TCF4: variants seen among roughly 807,000 people sequenced by gnomAD.
The protein encoded by TCF4 is transcription factor 4, also known as SL3-3 enhancer factor 2.
Under a neutral mutation model 82.1 loss-of-function variants are expected in TCF4, and 3 were observed. The observed-to-expected ratio is 0.04, with a 90% CI of 0.02 to 0.09. The LOEUF is 0.09. Ranked by LOEUF, TCF4 falls within the 10% of genes least tolerant of loss-of-function variation. TCF4 has a pLI of 1.00. For synonymous variants in TCF4, 276 were observed against 309.6 expected (o/e 0.89, Z 1.14); for missense variants, 518 against 852.7 (o/e 0.61, Z 4.89).
At chr18:55,541,202 C>T (rs1471371128) in intron 3 of TCF4, among the ~76,000 whole-genome samples, 1 of 151,900 alleles carries the variant, frequency 6.6e-6, no homozygotes, top group African/African-American at 2.4e-5. Flanking sequence ...ATCATTTAAC[C>T]TTCACATGGC....
At chr18:55,617,231 T>G (rs1002837168) in intron 2 of TCF4, among the ~76,000 whole-genome samples, 6 of 152,110 alleles carry the variant, frequency 3.9e-5, no homozygotes, top group African/African-American at 1.2e-4. Flanking sequence ...GGCACCCTTG[T>G]TAAAGATCAG....
rs375932131 is a variant in TCF4, at chr18:55,243,484, C to T, written c.1351-8801G>A. Among the ~76,000 whole-genome samples the T allele has an allele frequency of 7.9e-5, 12 of 152,204 alleles. No homozygotes were observed. The East Asian group carries it at 1.2e-3, about 15-fold the overall frequency. On this transcript the variant is annotated intron_variant, in intron 15 of 19. Coordinates refer to ENST00000354452, the MANE Select transcript of TCF4 (RefSeq NM_001083962.2). ...GTAATAGTTTCCATATGACCAGTGG[C>T]TCTGCTATAAATAAGATCAAAAGCA...
At chr18:55,341,669 A>G (rs1364424783) in intron 8 of TCF4, among the ~76,000 whole-genome samples, 3 of 152,172 alleles carry the variant, frequency 2.0e-5, no homozygotes, top group Non-Finnish European at 4.4e-5. Flanking sequence ...TATATTTCAG[A>G]GTAATACGCA....
chr18:55,291,791 C>T (rs2065154564), intron 8 of TCF4, among the ~76,000 whole-genome samples: 1 of 152,144 alleles, frequency 6.6e-6, no homozygotes, highest in Non-Finnish European at 1.5e-5. Flanking sequence ...GAGCTTTTAG[C>T]TAGCACAAAG....
At position 55,483,863 on chromosome 18, in the gene TCF4, T is replaced by C. The variant is rs114140006; in HGVS notation, c.146-19726A>G. Among the ~76,000 whole-genome samples, 1,497 of 152,356 alleles carry C rather than the reference T, an allele frequency of 9.8e-3. 30 individuals are homozygous for C. Among genetic ancestry groups the C allele is most frequent in the African/African-American group, 0.034 (1,417 of 41,576 alleles). On this transcript the variant is annotated intron_variant, in intron 3 of 19. Coordinates refer to ENST00000354452, the MANE Select transcript of TCF4 (RefSeq NM_001083962.2). ...CATTGATGAACAAGAGTACCATTAA[T>C]ATTTAAAGTTCTGCTTCATTTATAA...
chr18:55,495,310 G>GA (rs775843147), intron 3 of TCF4, among the ~76,000 whole-genome samples: 1,330 of 125,420 alleles, frequency 0.011, 5 homozygotes, highest in Non-Finnish European at 0.013. Flanking sequence ...AGGTATTTGG[G>GA]AAAAAAAAAA....
At chr18:55,364,438 A>G (rs1297789327) in intron 6 of TCF4, among the ~76,000 whole-genome samples, 1 of 152,314 alleles carries the variant, frequency 6.6e-6, no homozygotes, top group East Asian at 1.9e-4. Flanking sequence ...CATTCCCTAC[A>G]ATTCCTCCAT....
chr18:55,283,837 T>A (rs2063121947), intron 8 of TCF4, among the ~76,000 whole-genome samples: 1 of 152,174 alleles, frequency 6.6e-6, no homozygotes, highest in African/African-American at 2.4e-5. Context: ...ACAAAAAACA[T>A]CAGACATTAG....
chr18:55,608,576 A>T (rs1212024401), intron 2 of TCF4, among the ~76,000 whole-genome samples: 2 of 152,134 alleles, frequency 1.3e-5, no homozygotes, highest in Non-Finnish European at 2.9e-5. Context: ...CTGCTTTGTG[A>T]CTTGTCTCAA....
At chr18:55,496,718 A>C (rs2096640166) in intron 3 of TCF4, among the ~76,000 whole-genome samples, 1 of 152,126 alleles carries the variant, frequency 6.6e-6, no homozygotes, top group Admixed American at 6.5e-5. Flanking sequence ...TAATAACAAA[A>C]ATAATGAAAG....
intron 6 of TCF4, chr18:55,401,809 A>T: frequency 2.0e-6 from 2 of 984,240 alleles, no homozygotes; most frequent in South Asian, 4.7e-5. Context: ...GGGGTGAGGA[A>T]GCCTATTCTC....
chr18:55,453,271 A>G (rs2095663010), intron 5 of TCF4, among the ~76,000 whole-genome samples: 1 of 152,188 alleles, frequency 6.6e-6, no homozygotes, highest in African/African-American at 2.4e-5. Context: ...GGGGAAGGAC[A>G]AAAGAATCAC....
chr18:55,503,468 G>C (rs1047466786), intron 3 of TCF4, among the ~76,000 whole-genome samples: 1 of 152,054 alleles, frequency 6.6e-6, no homozygotes, highest in African/African-American at 2.4e-5. Flanking sequence ...GGCCAAACAG[G>C]CATACTCCTC....
Position 55,275,724 on chromosome 18 carries a change from G to A in TCF4, c.684C>T (p.Ser228=), listed in dbSNP as rs769363882. 2 of 1,613,854 alleles carry A rather than the reference G, an allele frequency of 1.2e-6. No homozygotes were observed. Among genetic ancestry groups the A allele is most frequent in the Admixed American group, 3.3e-5 (2 of 59,996 alleles). ...QDGHHSSDPW[S]SSSGMNQPGY... Reference sequence around the variant, plus strand: ...CAGGCTGATTCATCCCACTGGAGGAGCTCCAAGGGTCACTGCTGTGATGGC... The same window carrying A: ...CAGGCTGATTCATCCCACTGGAGGAACTCCAAGGGTCACTGCTGTGATGGC... Residue 228 remains serine, a synonymous_variant, in exon 10 of 20, where the codon AGC becomes AGT. Coordinates refer to ENST00000354452, the MANE Select transcript of TCF4 (RefSeq NM_001083962.2).
intron 3 of TCF4, among the ~76,000 whole-genome samples, chr18:55,489,025 G>C (rs1157059188): frequency 6.6e-6 from 1 of 152,142 alleles, no homozygotes; most frequent in Non-Finnish European, 1.5e-5. Flanking sequence ...CGAATCCCAA[G>C]AGTGTGGTTG....
At chr18:55,595,092 A>C (rs952447768) in intron 2 of TCF4, among the ~76,000 whole-genome samples, 1 of 152,236 alleles carries the variant, frequency 6.6e-6, no homozygotes, top group African/African-American at 2.4e-5. Flanking sequence ...TAGAACACTC[A>C]GACTGCAACA....
chr18:55,470,318 C>T (rs571770873), intron 3 of TCF4, among the ~76,000 whole-genome samples: 7 of 152,232 alleles, frequency 4.6e-5, no homozygotes, highest in Non-Finnish European at 8.8e-5. Context: ...CCTTGTTCTG[C>T]TAAACAGGTC....
intron 3 of TCF4, among the ~76,000 whole-genome samples, chr18:55,514,405 G>GCACACACACACA (rs74182104): frequency 7.7e-6 from 1 of 130,172 alleles, no homozygotes; most frequent in Non-Finnish European, 1.7e-5. Context: ...ATCTATCCAT[G>GCACACACACACA]CACACACACA....
chr18:55,469,421 G>A (rs1182249320), intron 3 of TCF4, among the ~76,000 whole-genome samples: 1 of 151,872 alleles, frequency 6.6e-6, no homozygotes, highest in East Asian at 1.9e-4. Context: ...CCAAGATCGA[G>A]CCACTGTACT....
Sources: allele counts gnomAD v4.1 joint callset (sites outside exome capture counted in the v4.1 genomes callset), GRCh38; gene constraint gnomAD v4.1.1; transcripts MANE v1.5; gene names NCBI Gene and HGNC (gene_info 2026-07-23, HGNC 2026-07-21).